The following RANBP2 variants were observed in gnomAD, a reference collection of about 807,000 sequenced individuals.
RANBP2 encodes E3 SUMO-protein ligase RanBP2.
Under a neutral mutation model 303.6 loss-of-function variants are expected in RANBP2, and 57 were observed. That is an observed-to-expected ratio of 0.19 (90% confidence interval 0.15 to 0.23). The LOEUF (loss-of-function observed/expected upper bound fraction) is 0.23. RANBP2 is among the 10% of genes least tolerant of loss of function. The pLI is 1.00. For synonymous variants in RANBP2, 1,167 were observed against 1,301.5 expected (o/e 0.90, Z 2.23); for missense variants, 3,138 against 3,780.8 (o/e 0.83, Z 4.46).
chr2:109,256,745 C>T, the RANBP2 span, among the ~76,000 whole-genome samples: 63 of 152,262 alleles, frequency 4.1e-4, no homozygotes, highest in African/African-American at 1.3e-3. Flanking sequence ...GGGAATACAT[C>T]GAGCTATTGA....
At chr2:109,645,439 A>G in the RANBP2 span, among the ~76,000 whole-genome samples, 1 of 152,228 alleles carries the variant, frequency 6.6e-6, no homozygotes, top group African/African-American at 2.4e-5. Flanking sequence ...TGTAAAGCCA[A>G]TTGTTGCTGT....
the RANBP2 span, among the ~76,000 whole-genome samples, chr2:108,993,247 C>T: frequency 6.6e-6 from 1 of 152,018 alleles, no homozygotes; most frequent in African/African-American, 2.4e-5. Flanking sequence ...TTCAGATGGA[C>T]CAAAGGTCTT....
the RANBP2 span, among the ~76,000 whole-genome samples, chr2:109,558,800 A>C: frequency 1.3e-5 from 2 of 152,222 alleles, no homozygotes; most frequent in Non-Finnish European, 2.9e-5. Context: ...CTAGATAGAT[A>C]TAATACTGAG....
chr2:108,799,265 A>G, the RANBP2 span, among the ~76,000 whole-genome samples: 1 of 152,226 alleles, frequency 6.6e-6, no homozygotes, highest in Admixed American at 6.5e-5. Flanking sequence ...GATATTGTAT[A>G]GGTGGTATAA....
At chr2:109,273,664 G>A in the RANBP2 span, among the ~76,000 whole-genome samples, 3 of 152,154 alleles carry the variant, frequency 2.0e-5, no homozygotes, top group Non-Finnish European at 2.9e-5. Flanking sequence ...TTAAACATGC[G>A]CAACTGCTGA....
the RANBP2 span, chr2:109,585,259 AG>A: frequency 7.4e-6 from 12 of 1,612,974 alleles, no homozygotes; most frequent in African/African-American, 1.3e-5. Context: ...GAGGATTCAT[AG>A]TCTTCAAAAT....
chr2:108,754,003 A>G, intron 15 of RANBP2, 32 bp downstream of exon 15: 4 of 1,611,622 alleles, frequency 2.5e-6, no homozygotes, highest in Non-Finnish European at 3.4e-6. Flanking sequence ...GTACGTTCTT[A>G]CTGATAACCC....
the RANBP2 span, among the ~76,000 whole-genome samples, chr2:109,216,497 G>C: frequency 6.6e-5 from 10 of 152,194 alleles, no homozygotes; most frequent in African/African-American, 2.4e-4. Flanking sequence ...GGCAGTGCAC[G>C]CCCACCTGGC....
chr2:108,910,039 G>A, the RANBP2 span, among the ~76,000 whole-genome samples: 1 of 152,250 alleles, frequency 6.6e-6, no homozygotes, highest in African/African-American at 2.4e-5. Context: ...GGCACCAAAT[G>A]CTGTTAGCCG....
the RANBP2 span, among the ~76,000 whole-genome samples, chr2:109,185,089 G>T: frequency 2.6e-5 from 4 of 152,188 alleles, no homozygotes; most frequent in Non-Finnish European, 5.9e-5. Flanking sequence ...ACACCGTGGA[G>T]ATAGTAAAAT....
At chr2:109,475,382 G>C in the RANBP2 span, among the ~76,000 whole-genome samples, 1 of 152,208 alleles carries the variant, frequency 6.6e-6, no homozygotes, top group Admixed American at 6.5e-5. Context: ...ACGCAAAGTG[G>C]CTACCAGTCC....
the RANBP2 span, among the ~76,000 whole-genome samples, chr2:108,995,098 G>C: frequency 6.6e-6 from 1 of 152,032 alleles, no homozygotes; most frequent in Non-Finnish European, 1.5e-5. Flanking sequence ...CCAAAGTGCT[G>C]GGATTACAGG....
At chr2:108,776,047 T>C in intron 24 of RANBP2, 111 bp downstream of exon 24, 2 of 872,368 alleles carry the variant, frequency 2.3e-6, no homozygotes, top group Non-Finnish European at 3.6e-6. Flanking sequence ...CATTTTGATA[T>C]GTATAAAGGG....
the RANBP2 span, among the ~76,000 whole-genome samples, chr2:109,397,174 A>G: frequency 6.6e-6 from 1 of 151,654 alleles, no homozygotes; most frequent in Non-Finnish European, 1.5e-5. Context: ...CAACCACTCC[A>G]CCCTGCTCAG....
chr2:109,054,971 G>A, the RANBP2 span, among the ~76,000 whole-genome samples: 1 of 152,128 alleles, frequency 6.6e-6, no homozygotes, highest in African/African-American at 2.4e-5. Flanking sequence ...GGATTCGCTG[G>A]CATGTACACA....
chr2:108,975,577 C>G, the RANBP2 span, among the ~76,000 whole-genome samples: 30 of 152,282 alleles, frequency 2.0e-4, 1 homozygote, highest in South Asian at 4.1e-3. Context: ...CATTCCTACC[C>G]CAGCACTGGA....
At chr2:109,125,310 G>A in the RANBP2 span, among the ~76,000 whole-genome samples, 10 of 152,320 alleles carry the variant, frequency 6.6e-5, no homozygotes, top group South Asian at 2.1e-4. Context: ...TGGTGGGGGG[G>A]TTAGAATTAT....
In RANBP2 at chr2:108,783,436, C is replaced by T. The variant is rs376148249; in HGVS notation, c.9370-160C>T. The stretch of plus-strand genomic sequence containing the variant: ...ACCTTTTCATTTTTCATCTTCTTTC[C>T]AACAATATGAATTTCTTAGTTTTCA... On this transcript the variant is annotated intron_variant, in intron 28 of 28. Coordinates refer to ENST00000283195, the MANE Select transcript of RANBP2 (RefSeq NM_006267.5). Among the ~76,000 whole-genome samples, 87 of 148,738 alleles carry T rather than the reference C, an allele frequency of 5.8e-4. No individual in the cohort carries two copies. The South Asian group carries it at 0.017, about 29-fold the overall frequency.
rs766281917 is a variant in RANBP2, at chr2:108,751,876, G to A, written c.1637G>A (p.Gly546Glu). 1 of 1,611,856 alleles carries A rather than the reference G, an allele frequency of 6.2e-7. No homozygotes were observed. The highest frequency in any genetic ancestry group is 1.1e-5 in the South Asian group (1 of 90,980). Residue 546 changes from glycine (G) to glutamate (E), a missense_variant, in exon 12 of 29, where the codon GGA becomes GAA. Transcript: ENST00000283195. ...CTLIHRKAVP[G>E]NVAKLRLLVQ... ...TAAATTGAACTATTTTTTAGACCTGGAAACGTAGCAAAATTGAGACTTCTA... is the reference window on the plus strand; with the variant it reads ...TAAATTGAACTATTTTTTAGACCTGAAAACGTAGCAAAATTGAGACTTCTA...
Sources: gnomAD v4.1 joint callset for allele counts (sites outside exome capture counted in the v4.1 genomes callset) on GRCh38, gnomAD v4.1.1 for gene constraint, MANE v1.5 for transcripts, NCBI Gene and HGNC (gene_info 2026-07-23, HGNC 2026-07-21) for gene names.